GABRB1: variants seen among roughly 807,000 people sequenced by gnomAD.
GABRB1 encodes gamma-aminobutyric acid type A receptor subunit beta1.
GABRB1 carries 17 observed loss-of-function variants against 51.6 expected under a neutral mutation model. The ratio of observed to expected loss-of-function variants is 0.33; its 90% CI spans 0.23 to 0.49. GABRB1 has a LOEUF of 0.49. GABRB1 is among the 20% of genes least tolerant of loss of function. GABRB1 has a pLI of 0.99. For synonymous variants in GABRB1, 247 were observed against 218.9 expected (o/e 1.13, Z -1.14); for missense variants, 410 against 600.6 (o/e 0.68, Z 3.32).
chr4:47,095,614 C>T (rs1714386814), intron 3 of GABRB1, among the ~76,000 whole-genome samples: 1 of 152,200 alleles, frequency 6.6e-6, no homozygotes, highest in Non-Finnish European at 1.5e-5. Context: ...ATTCTTGATT[C>T]ATACGATCTT....
chr4:47,040,576 C>G (rs1304274189), intron 3 of GABRB1, among the ~76,000 whole-genome samples: 1 of 151,996 alleles, frequency 6.6e-6, no homozygotes, highest in Non-Finnish European at 1.5e-5. Flanking sequence ...TCTTTCACTG[C>G]TGAAGTGGAC....
At chr4:47,260,138 G>T (rs1253534704) in intron 4 of GABRB1, among the ~76,000 whole-genome samples, 1 of 152,120 alleles carries the variant, frequency 6.6e-6, no homozygotes, top group African/African-American at 2.4e-5. Flanking sequence ...TCAGAGGCTA[G>T]GATTGCAACC....
chr4:47,181,623 C>T (rs1022637275), intron 4 of GABRB1, among the ~76,000 whole-genome samples: 1 of 151,910 alleles, frequency 6.6e-6, no homozygotes. Flanking sequence ...GTGCCTATCG[C>T]ATAGGGTTGT....
At chr4:47,279,711 A>G (rs1283466865) in intron 4 of GABRB1, among the ~76,000 whole-genome samples, 2 of 151,968 alleles carry the variant, frequency 1.3e-5, no homozygotes, top group Admixed American at 1.3e-4. Context: ...TATTTTGCTT[A>G]TATAATTATA....
intron 3 of GABRB1, among the ~76,000 whole-genome samples, chr4:47,132,553 C>T (rs2109676104): frequency 6.6e-6 from 1 of 152,100 alleles, no homozygotes; most frequent in South Asian, 2.1e-4. Flanking sequence ...CATTTATGTT[C>T]TCTACTCCTG....
At chr4:47,257,749 C>A (rs1336387068) in intron 4 of GABRB1, among the ~76,000 whole-genome samples, 1 of 151,510 alleles carries the variant, frequency 6.6e-6, no homozygotes, top group East Asian at 1.9e-4. Context: ...CCAGTTCACC[C>A]TAATTAGGAA....
chr4:47,221,047 T>C (rs1720749578), intron 4 of GABRB1, among the ~76,000 whole-genome samples: 1 of 152,002 alleles, frequency 6.6e-6, no homozygotes, highest in Admixed American at 6.6e-5. Flanking sequence ...CTCCTAAATG[T>C]CCCAAACTTC....
At chr4:47,211,996 T>C (rs1720375234) in intron 4 of GABRB1, among the ~76,000 whole-genome samples, 3 of 152,128 alleles carry the variant, frequency 2.0e-5, no homozygotes, top group African/African-American at 2.4e-5. Context: ...TTTTTTCATA[T>C]AAGGTAACAT....
intron 4 of GABRB1, among the ~76,000 whole-genome samples, chr4:47,304,551 G>A (rs1237953943): frequency 2.0e-5 from 3 of 151,830 alleles, no homozygotes; most frequent in African/African-American, 7.2e-5. Flanking sequence ...TCAGATGTTT[G>A]GTTTGCAAAT....
At chr4:47,416,893 A>G (rs1728939725) in intron 8 of GABRB1, among the ~76,000 whole-genome samples, 1 of 152,192 alleles carries the variant, frequency 6.6e-6, no homozygotes. Context: ...TTAAGATGCA[A>G]GAGGTGATGG....
At chr4:47,024,223 T>C (rs1725016171) in intron 1 of GABRB1, among the ~76,000 whole-genome samples, 1 of 151,968 alleles carries the variant, frequency 6.6e-6, no homozygotes, top group Non-Finnish European at 1.5e-5. Flanking sequence ...AGTTTTACTT[T>C]CCATGGGATT....
intron 3 of GABRB1, among the ~76,000 whole-genome samples, chr4:47,051,158 G>GAAA (rs533112514): frequency 6.6e-6 from 1 of 151,852 alleles, no homozygotes; most frequent in South Asian, 2.1e-4. Flanking sequence ...AGGAAGGAGG[G>GAAA]AAAAAAAAGA....
intron 3 of GABRB1, chr4:47,042,997 AC>A (rs1163876000): frequency 3.3e-5 from 5 of 152,060 alleles, no homozygotes; most frequent in Non-Finnish European, 7.4e-5. Flanking sequence ...ATCAACTACC[AC>A]ATTAAATGGT....
chr4:47,044,710 G>A (rs765024050), intron 3 of GABRB1, among the ~76,000 whole-genome samples: 4 of 151,962 alleles, frequency 2.6e-5, no homozygotes, highest in Non-Finnish European at 4.4e-5. Context: ...GACACCAGGG[G>A]TAACATTAAC....
At chr4:47,085,887 G>A (rs540343248) in intron 3 of GABRB1, among the ~76,000 whole-genome samples, 66 of 152,304 alleles carry the variant, frequency 4.3e-4, no homozygotes, top group Non-Finnish European at 7.8e-4. Flanking sequence ...AAGAGGGCAA[G>A]ACCAGAAGCT....
chr4:47,357,620 C>T (rs1202944702), intron 5 of GABRB1, among the ~76,000 whole-genome samples: 1 of 152,212 alleles, frequency 6.6e-6, no homozygotes, highest in African/African-American at 2.4e-5. Flanking sequence ...TGTGCTGGTA[C>T]AAGAGAAGCC....
At chr4:47,405,068 C>T (rs1728523919) in intron 7 of GABRB1, among the ~76,000 whole-genome samples, 1 of 152,118 alleles carries the variant, frequency 6.6e-6, no homozygotes, top group Admixed American at 6.6e-5. Context: ...AGAGTAGAAG[C>T]AGAAATGCAA....
At chr4:47,152,504 C>T (rs1043880030) in intron 3 of GABRB1, among the ~76,000 whole-genome samples, 3 of 151,970 alleles carry the variant, frequency 2.0e-5, no homozygotes, top group Non-Finnish European at 2.9e-5. Context: ...TTCCCAGGGG[C>T]TCTATCCTCT....
At chr4:47,014,461 T>C (rs1321356612) in intron 1 of GABRB1, among the ~76,000 whole-genome samples, 1 of 152,004 alleles carries the variant, frequency 6.6e-6, no homozygotes, top group African/African-American at 2.4e-5. Flanking sequence ...ATAAAGCAAA[T>C]TTTTTTTCCT....
Sources: allele counts gnomAD v4.1 joint callset (sites outside exome capture counted in the v4.1 genomes callset), GRCh38; gene constraint gnomAD v4.1.1; transcripts MANE v1.5; gene names NCBI Gene and HGNC (gene_info 2026-07-23, HGNC 2026-07-21).